Variants in HERC1 observed in about 807,000 individuals in gnomAD.
HERC1 encodes HECT and RLD domain containing E3 ubiquitin protein ligase family member 1.
In HERC1, 160 loss-of-function variants were observed where a neutral mutation model predicts 554.3. The ratio of observed to expected loss-of-function variants is 0.29; its 90% CI spans 0.25 to 0.33. The LOEUF is 0.33. Among genes scored for constraint, HERC1 ranks in the 10% least tolerant of loss-of-function variants. The probability of loss-of-function intolerance (pLI) is 1.00; values close to 1 mark genes in which losing one functional copy is unlikely to be tolerated. For missense variants in HERC1, 4,919 were observed against 5,918.5 expected, an observed-to-expected ratio of 0.83 and a Z score of 5.54; for synonymous variants, 2,175 against 2,131.7, an observed-to-expected ratio of 1.02 and a Z score of -0.56.
chr15:63,643,501 C>G lies in HERC1; in HGVS notation c.11234G>C (p.Gly3745Ala). 6.2e-7 allele frequency: 1 copy of G among 1,610,306 alleles called. No individual in the cohort carries two copies. Among genetic ancestry groups the G allele is most frequent in the Non-Finnish European group, 8.5e-7 (1 of 1,177,890 alleles). ...SGAKCVYQLRGHITPVRTVAF... is the reference protein window; with the variant it reads ...SGAKCVYQLRAHITPVRTVAF... The stretch of plus-strand genomic sequence containing the variant: ...AACAGTCCGAACAGGAGTGATGTGT[C>G]CCCGCAGCTGATAAACACACTTGGC... Residue 3745 changes from glycine to alanine, a missense_variant, in exon 58 of 78, where the codon GGA (glycine) becomes GCA (alanine). Transcript: ENST00000443617.
chr15:63,725,197 C>A, intron 18 of HERC1, 95 bp downstream of exon 18: 2 of 1,065,198 alleles, frequency 1.9e-6, no homozygotes, highest in Non-Finnish European at 2.7e-6. Context: ...GCAATTGGTG[C>A]CTGTCAGTTC....
At chr15:63,641,702 C>A in intron 59 of HERC1, 59 bp from the exon 60 acceptor site, 1 of 1,393,382 alleles carries the variant, frequency 7.2e-7, no homozygotes, top group Admixed American at 2.5e-5. Context: ...ATAATGCTAT[C>A]ACCATTTAAT....
At chr15:63,731,702 T>C (rs1209526215) in intron 14 of HERC1, among the ~76,000 whole-genome samples, 2 of 152,130 alleles carry the variant, frequency 1.3e-5, no homozygotes, top group Non-Finnish European at 2.9e-5. Flanking sequence ...AAAGAGTACG[T>C]AGACCAGACC....
chr15:63,616,865 G>A (rs958167303), intron 74 of HERC1, 183 bp from the exon 75 acceptor site: 17 of 587,994 alleles, frequency 2.9e-5, no homozygotes, highest in Non-Finnish European at 3.9e-5. Context: ...CTAATCACAC[G>A]TTGAGTTCTC....
At chr15:63,737,710 C>A (rs532287117) in intron 12 of HERC1, among the ~76,000 whole-genome samples, 1 of 151,424 alleles carries the variant, frequency 6.6e-6, no homozygotes, top group African/African-American at 2.4e-5. Flanking sequence ...AAGGTTATGA[C>A]TTTCCCCACA....
chr15:63,659,276 G>A lies in HERC1; in HGVS notation c.9424+460C>T, dbSNP rs950240439. 5.3e-5 allele frequency among the ~76,000 whole-genome samples: 8 copies of A among 152,062 alleles called. No homozygotes were observed. The East Asian group carries it at 1.5e-3, about 29-fold the overall frequency. On this transcript the variant is annotated intron_variant, in intron 47 of 77. Transcript: ENST00000443617. ...ACATTTATTTTTTCCTCTTGAGACA[G>A]GGTCTGGTTCTGTCACCCAGGCTGG...
At chr15:63,696,380 C>G (rs2153058014) in intron 26 of HERC1, 41 bp from the exon 27 acceptor site, 2 of 1,437,128 alleles carry the variant, frequency 1.4e-6, no homozygotes, top group East Asian at 2.4e-5. Context: ...TCACTTAACT[C>G]AGACATGATG....
rs200200988 is a variant in HERC1 at position 63,615,734 on chromosome 15, A to G, written c.14094+34T>C. ...CTCTCATTTGGAGAGAAACCCAAGC[A>G]TTCATGTGTACCTCCCGAGATGTTT... On this transcript the variant is annotated intron_variant, in intron 76 of 77. Coordinates refer to ENST00000443617, the MANE Select transcript of HERC1 (RefSeq NM_003922.4). 267 of 1,535,526 alleles carry G rather than the reference A, an allele frequency of 1.7e-4. 1 individual carries two copies. The East Asian group carries it at 3.1e-3, about 18-fold the overall frequency.
rs1168071456 is a variant in HERC1, at chr15:63,756,108, C to A, written c.1533+329G>T. 1.3e-5 allele frequency among the ~76,000 whole-genome samples: 2 copies of A among 152,200 alleles called. No individual in the cohort carries two copies. Among genetic ancestry groups the A allele is most frequent in the African/African-American group, 4.8e-5 (2 of 41,458 alleles). ...TAAAGGATTAAAGTAGAGACCTTAT[C>A]TGTCTTGTTCACTGCTACAAGTCTA... On this transcript the variant is annotated intron_variant, in intron 5 of 77. Transcript: ENST00000443617. The surrounding 1 kb of genome is among the most constrained non-coding windows in gnomAD (Gnocchi z 5.0).
chr15:63,832,528 T>C (rs1567175096), intron 1 of HERC1, among the ~76,000 whole-genome samples: 1 of 152,230 alleles, frequency 6.6e-6, no homozygotes, highest in Non-Finnish European at 1.5e-5. Context: ...TAATCATAGT[T>C]TCTTTCCCTT....
At chr15:63,723,489 G>A (rs987677023) in intron 18 of HERC1, 134 bp from the exon 19 acceptor site, 28 of 629,810 alleles carry the variant, frequency 4.4e-5, no homozygotes, top group Non-Finnish European at 7.0e-5. Context: ...CCAAGGTAAA[G>A]TCCTTTAATG....
At chr15:63,744,061 T>G (rs1435483308) in intron 12 of HERC1, among the ~76,000 whole-genome samples, 2 of 150,822 alleles carry the variant, frequency 1.3e-5, no homozygotes, top group Non-Finnish European at 2.9e-5. Context: ...ATTCTCTGGA[T>G]TATCAGGCAG....
chr15:63,725,277 A>G lies in HERC1; in HGVS notation c.3568+15T>C, dbSNP rs778215924. The stretch of plus-strand genomic sequence containing the variant: ...AACAGGCATGTATTTTAAATGCTGC[A>G]GAGAAGCACATTACCCAATTGAGGA... On this transcript the variant is annotated intron_variant, in intron 18 of 77. Coordinates refer to ENST00000443617, the MANE Select transcript of HERC1 (RefSeq NM_003922.4). The G allele has an allele frequency of 6.2e-7, 1 of 1,605,634 alleles. No homozygotes were observed. Among genetic ancestry groups the G allele is most frequent in the African/African-American group, 1.3e-5 (1 of 74,758 alleles).
At chr15:63,792,474 G>T (rs553034935) in intron 1 of HERC1, among the ~76,000 whole-genome samples, 1 of 152,278 alleles carries the variant, frequency 6.6e-6, no homozygotes, top group East Asian at 1.9e-4. Context: ...TATCAGCAAA[G>T]CAGAATGAAC....
intron 64 of HERC1, among the ~76,000 whole-genome samples, chr15:63,636,632 C>T (rs1214890083): frequency 6.6e-6 from 1 of 152,038 alleles, no homozygotes; most frequent in Non-Finnish European, 1.5e-5. Flanking sequence ...GAATAGTCAC[C>T]TAAAATAATG....
chr15:63,666,161 G>A lies in HERC1; in HGVS notation c.8324-11C>T. 3 of 1,594,616 alleles carry A rather than the reference G, an allele frequency of 1.9e-6. No homozygotes were observed. The highest frequency in any genetic ancestry group is 2.2e-5 in the East Asian group (1 of 44,618). On this transcript the variant is annotated splice_polypyrimidine_tract_variant and intron_variant, in intron 41 of 77. Coordinates refer to ENST00000443617, the MANE Select transcript of HERC1 (RefSeq NM_003922.4). ...CCTCTCCCCTAGCACCTATACAGGG[G>A]AAAAACAGTCTGATGCTGACTTTGG... is the stretch of plus-strand genomic sequence containing the variant.
rs576615823 is a variant in HERC1 at position 63,734,396 on chromosome 15, A to G, written c.2646+328T>C. The stretch of plus-strand genomic sequence containing the variant: ...ACTCTTTATACAAACGATTTCAGAC[A>G]AAGTTCTCAGCATGGAACCAACAGT... On this transcript the variant is annotated intron_variant, in intron 13 of 77. Transcript: ENST00000443617. The surrounding 1 kb of genome is among the most constrained non-coding windows in gnomAD (Gnocchi z 4.6). Among the ~76,000 whole-genome samples the G allele has an allele frequency of 3.3e-5, 5 of 152,226 alleles. No homozygotes were observed. The highest frequency in any genetic ancestry group is 4.1e-4 in the South Asian group (2 of 4,834).
At chr15:63,731,450 T>C (rs1428297832) in intron 14 of HERC1, among the ~76,000 whole-genome samples, 1 of 152,240 alleles carries the variant, frequency 6.6e-6, no homozygotes, top group East Asian at 1.9e-4. Flanking sequence ...TTAGCCCTAA[T>C]ATTCCTTTCA....
Position 63,745,162 on chromosome 15 carries a change from A to G in HERC1, c.2520+1756T>C, listed in dbSNP as rs1389517125. 3.3e-5 allele frequency among the ~76,000 whole-genome samples: 5 copies of G among 152,146 alleles called. No individual in the cohort carries two copies. The East Asian group carries it at 9.7e-4, about 29-fold the overall frequency. ...AAGTCCTGCCCACTCTTCCCTCTCAAGTGGAAGAAAGGGGTCTCTCTTGGA... is the reference window on the plus strand; with the variant it reads ...AAGTCCTGCCCACTCTTCCCTCTCAGGTGGAAGAAAGGGGTCTCTCTTGGA... On this transcript the variant is annotated intron_variant, in intron 12 of 77. Coordinates refer to ENST00000443617, the MANE Select transcript of HERC1 (RefSeq NM_003922.4).
Sources: gnomAD v4.1 joint callset for allele counts (sites outside exome capture counted in the v4.1 genomes callset) on GRCh38, gnomAD v4.1.1 for gene constraint, Gnocchi (gnomAD v3.1) non-coding constraint, MANE v1.5 for transcripts, NCBI Gene and HGNC (gene_info 2026-07-23, HGNC 2026-07-21) for gene names.